Variants in FAM193A observed in about 807,000 individuals in gnomAD.
FAM193A encodes the protein protein FAM193A.
In FAM193A, 22 loss-of-function variants were observed where a neutral mutation model predicts 126.5. The observed-to-expected ratio is 0.17, with a 90% CI of 0.12 to 0.25. The LOEUF (loss-of-function observed/expected upper bound fraction) is 0.25, where lower values mean the gene tolerates loss of function less well. Among genes scored for constraint, FAM193A ranks in the 10% least tolerant of loss-of-function variants. FAM193A has a pLI of 1.00. For synonymous variants in FAM193A, 761 were observed against 646.8 expected (o/e 1.18, Z -2.68); for missense variants, 1,675 against 1,672.8 (o/e 1.00, Z -0.02).
At chr4:2,651,087 TAGGG>T (rs1165060041) in intron 7 of FAM193A, among the ~76,000 whole-genome samples, 3 of 152,086 alleles carry the variant, frequency 2.0e-5, no homozygotes, top group Non-Finnish European at 4.4e-5. Flanking sequence ...TCCCAGCACT[TAGGG>T]AGGCCAAGGT....
intron 2 of FAM193A, among the ~76,000 whole-genome samples, chr4:2,605,108 C>T (rs905994241): frequency 3.3e-5 from 5 of 151,926 alleles, no homozygotes; most frequent in Non-Finnish European, 5.9e-5. Context: ...CATGCCCAGG[C>T]GAGAGTCTGC....
intron 19 of FAM193A, among the ~76,000 whole-genome samples, chr4:2,712,249 C>A (rs904687786): frequency 1.3e-5 from 2 of 152,066 alleles, no homozygotes; most frequent in Non-Finnish European, 2.9e-5. Context: ...TATGTATACA[C>A]CTCCATGATA....
At position 2,574,944 on chromosome 4, in the gene FAM193A, C is replaced by T. The variant is rs1402152186; in HGVS notation, c.256-21140C>T. ...CTTCCAGCCTTTTGGGTTCGTGACCCGCCTGTGGGAAGGAGGCCTGCCATC... is the reference window on the plus strand; with the variant it reads ...CTTCCAGCCTTTTGGGTTCGTGACCTGCCTGTGGGAAGGAGGCCTGCCATC... On this transcript the variant is annotated intron_variant, in intron 1 of 20. Coordinates refer to ENST00000637812, the MANE Select transcript of FAM193A (RefSeq NM_001366318.2). 9.2e-5 allele frequency among the ~76,000 whole-genome samples: 14 copies of T among 152,214 alleles called. No homozygotes were observed. In the South Asian group the frequency reaches 1.5e-3, roughly 16 times the overall value.
At chr4:2,590,293 A>T (rs1416595394) in intron 1 of FAM193A, among the ~76,000 whole-genome samples, 1 of 151,202 alleles carries the variant, frequency 6.6e-6, no homozygotes, top group African/African-American at 2.4e-5. Flanking sequence ...AACGTGGTGA[A>T]ACCCCGTCTC....
At chr4:2,604,086 G>A (rs145474961) in intron 2 of FAM193A, among the ~76,000 whole-genome samples, 2 of 151,770 alleles carry the variant, frequency 1.3e-5, no homozygotes, top group African/African-American at 2.4e-5. Context: ...CAGGTGATCC[G>A]CCCGCCTCAC....
At chr4:2,706,254 A>G (rs1228138615) in intron 19 of FAM193A, among the ~76,000 whole-genome samples, 1 of 151,906 alleles carries the variant, frequency 6.6e-6, no homozygotes, top group Non-Finnish European at 1.5e-5. Flanking sequence ...CAGTGATTCA[A>G]GATGCCACCT....
chr4:2,622,615 C>G (rs934001648), intron 2 of FAM193A, among the ~76,000 whole-genome samples: 1 of 152,084 alleles, frequency 6.6e-6, no homozygotes, highest in Non-Finnish European at 1.5e-5. Context: ...TTGTAAACAG[C>G]GGACATTTAT....
chr4:2,693,166 G>A (rs1716601300), intron 15 of FAM193A, among the ~76,000 whole-genome samples: 1 of 152,108 alleles, frequency 6.6e-6, no homozygotes, highest in African/African-American at 2.4e-5. Context: ...CTACAGGTAT[G>A]TGCCACCACG....
intron 19 of FAM193A, among the ~76,000 whole-genome samples, chr4:2,712,371 G>A (rs933378922): frequency 6.6e-6 from 1 of 152,032 alleles, no homozygotes; most frequent in African/African-American, 2.4e-5. Flanking sequence ...TCCTGTTTCC[G>A]TGTTGTTTGG....
Position 2,700,123 on chromosome 4 carries a change from G to A in FAM193A, c.3951G>A (p.Gln1317=). ...FLLPKEVNGK[Q]HEPLSFFFDI... The stretch of plus-strand genomic sequence containing the variant: ...TCCCCAAGGAGGTGAATGGGAAGCA[G>A]CATGAGCCACTCTCTTTTTTCTTCG... The change falls in exon 19 of 21, where the codon CAG becomes CAA. Residue 1317 remains glutamine (Q), a synonymous_variant. Transcript: ENST00000637812. 1 of 1,613,776 alleles carries A rather than the reference G, an allele frequency of 6.2e-7. No individual in the cohort carries two copies. The highest frequency in any genetic ancestry group is 8.5e-7 in the Non-Finnish European group (1 of 1,179,990).
At position 2,703,271 on chromosome 4, in the gene FAM193A, G is replaced by T. The variant is rs576898499; in HGVS notation, c.4372+2727G>T. 2.0e-5 allele frequency among the ~76,000 whole-genome samples: 3 copies of T among 152,180 alleles called. No homozygotes were observed. In the East Asian group the frequency reaches 5.8e-4, roughly 29 times the overall value. On this transcript the variant is annotated intron_variant, in intron 19 of 20. Coordinates refer to ENST00000637812, the MANE Select transcript of FAM193A (RefSeq NM_001366318.2). ...TTGTTTTTGTTTCTGTTTTAAGGTGGAGTCTCACTCTGTCATCTAGGCTGG... is the reference window on the plus strand; with the variant it reads ...TTGTTTTTGTTTCTGTTTTAAGGTGTAGTCTCACTCTGTCATCTAGGCTGG...
intron 1 of FAM193A, among the ~76,000 whole-genome samples, chr4:2,583,001 T>C (rs765423521): frequency 1.3e-5 from 2 of 152,274 alleles, no homozygotes; most frequent in South Asian, 2.1e-4. Flanking sequence ...GGAGTTTTGC[T>C]CTTGTCTCCC....
intron 2 of FAM193A, among the ~76,000 whole-genome samples, chr4:2,604,032 G>A (rs1490549083): frequency 6.6e-6 from 1 of 151,792 alleles, no homozygotes; most frequent in Non-Finnish European, 1.5e-5. Context: ...TAGTAGAGAC[G>A]GGGTTTTACC....
Position 2,554,082 on chromosome 4 carries a change from C to T in FAM193A, c.255+16912C>T, listed in dbSNP as rs192627655. On this transcript the variant is annotated intron_variant, in intron 1 of 20. Transcript: ENST00000637812. ...TGCTGTTTAATTCTGTTATCTCTCC[C>T]TTTTATTTATTTATTTTTTTGAGAC... Among the ~76,000 whole-genome samples, 22 of 152,122 alleles carry T rather than the reference C, an allele frequency of 1.4e-4. 1 individual carries two copies. Among genetic ancestry groups the T allele is most frequent in the Admixed American group, 1.2e-3 (18 of 15,244 alleles).
intron 10 of FAM193A, among the ~76,000 whole-genome samples, chr4:2,661,453 A>T (rs992336522): frequency 6.6e-6 from 1 of 152,118 alleles, no homozygotes; most frequent in Non-Finnish European, 1.5e-5. Flanking sequence ...GAGTTACTTC[A>T]CTAGAACCTC....
chr4:2,655,548 G>A (rs1351433300), intron 7 of FAM193A, among the ~76,000 whole-genome samples: 1 of 152,060 alleles, frequency 6.6e-6, no homozygotes, highest in Admixed American at 6.5e-5. Flanking sequence ...CAAGATATTA[G>A]TTCTCTGCAG....
chr4:2,647,185 G>T (rs1399368976), intron 7 of FAM193A, among the ~76,000 whole-genome samples: 1 of 151,792 alleles, frequency 6.6e-6, no homozygotes, highest in Non-Finnish European at 1.5e-5. Context: ...TGCTCTTGTT[G>T]CCCAGGCTGG....
At chr4:2,717,329 A>G (rs1396215876) in intron 20 of FAM193A, among the ~76,000 whole-genome samples, 1 of 152,200 alleles carries the variant, frequency 6.6e-6, no homozygotes, top group Non-Finnish European at 1.5e-5. Context: ...CTGGTGGCTC[A>G]CACCTGTAAT....
intron 2 of FAM193A, among the ~76,000 whole-genome samples, chr4:2,601,830 T>G (rs565865908): frequency 6.6e-6 from 1 of 152,192 alleles, no homozygotes; most frequent in African/African-American, 2.4e-5. Flanking sequence ...GTTTAATTAA[T>G]TGTTGCTTTT....
Sources: allele counts gnomAD v4.1 joint callset (sites outside exome capture counted in the v4.1 genomes callset), GRCh38; gene constraint gnomAD v4.1.1; transcripts MANE v1.5; gene names NCBI Gene and HGNC (gene_info 2026-07-23, HGNC 2026-07-21).